Variants in KIAA1217 observed in about 807,000 individuals in gnomAD.
KIAA1217 encodes KIAA1217, also known as sickle tail protein homolog.
A neutral mutation model predicts 163.9 loss-of-function variants in KIAA1217; 88 were observed. That is an observed-to-expected ratio of 0.54 (90% CI 0.45 to 0.64). KIAA1217 has a LOEUF of 0.64. Among genes scored for constraint, KIAA1217 ranks in the 30% least tolerant of loss-of-function variants. The probability of loss-of-function intolerance (pLI) is 0.00; values close to 1 mark genes in which losing one functional copy is unlikely to be tolerated. For synonymous variants in KIAA1217, 903 were observed against 923.1 expected, an observed-to-expected ratio of 0.98 and a Z score of 0.39; for missense variants, 2,372 against 2,475.0, an observed-to-expected ratio of 0.96 and a Z score of 0.88.
intron 1 of KIAA1217, among the ~76,000 whole-genome samples, chr10:23,922,010 C>T (rs1477520173): frequency 6.6e-6 from 1 of 151,988 alleles, no homozygotes; most frequent in East Asian, 1.9e-4. Flanking sequence ...CCAGAGGTAC[C>T]AGCCATGTGA....
chr10:23,717,735 A>G (rs75978145), intron 1 of KIAA1217, among the ~76,000 whole-genome samples: 3,086 of 152,294 alleles, frequency 0.02, 120 homozygotes, highest in African/African-American at 0.07. Context: ...AATGTATGCT[A>G]GAAATCCTCT....
chr10:23,971,425 G>A (rs1247910114), intron 1 of KIAA1217, among the ~76,000 whole-genome samples: 9 of 152,152 alleles, frequency 5.9e-5, no homozygotes, highest in African/African-American at 2.2e-4. Context: ...TTAGAGAGAT[G>A]GCTAAAAAAT....
At chr10:24,402,367 G>T (rs959374419) in intron 3 of KIAA1217, among the ~76,000 whole-genome samples, 3 of 151,804 alleles carry the variant, frequency 2.0e-5, no homozygotes, top group African/African-American at 7.3e-5. Flanking sequence ...AAATTAGCCG[G>T]GCGTATTGGT....
chr10:23,873,439 C>G (rs116719772), intron 1 of KIAA1217, among the ~76,000 whole-genome samples: 2,402 of 152,064 alleles, frequency 0.016, 67 homozygotes, highest in African/African-American at 0.055. Flanking sequence ...CCAGATGAAG[C>G]ATTACTCTGT....
intron 1 of KIAA1217, among the ~76,000 whole-genome samples, chr10:23,883,414 G>A (rs1294166848): frequency 6.6e-6 from 1 of 151,906 alleles, no homozygotes; most frequent in African/African-American, 2.4e-5. Context: ...TCACACCTCA[G>A]AGTTGGTTGC....
At chr10:24,080,321 T>C (rs2061498627) in intron 2 of KIAA1217, among the ~76,000 whole-genome samples, 1 of 152,194 alleles carries the variant, frequency 6.6e-6, no homozygotes, top group African/African-American at 2.4e-5. Flanking sequence ...ACGGCATTCC[T>C]GGGTCAGTGT....
intron 2 of KIAA1217, among the ~76,000 whole-genome samples, chr10:24,177,491 C>A (rs1054553607): frequency 1.3e-5 from 2 of 149,588 alleles, no homozygotes; most frequent in African/African-American, 2.5e-5. Flanking sequence ...ACGCAAGTAT[C>A]TTTTTCATAT....
chr10:23,849,380 T>C (rs1365610114), intron 1 of KIAA1217, among the ~76,000 whole-genome samples: 1 of 152,074 alleles, frequency 6.6e-6, no homozygotes, highest in Non-Finnish European at 1.5e-5. Flanking sequence ...GAAAAGTTCT[T>C]TGCTTATCCT....
intron 3 of KIAA1217, among the ~76,000 whole-genome samples, chr10:24,429,829 T>A (rs1168426763): frequency 6.6e-6 from 1 of 152,182 alleles, no homozygotes; most frequent in Non-Finnish European, 1.5e-5. Flanking sequence ...CCAGACAGAA[T>A]CTGAATATGA....
At chr10:23,737,150 G>T (rs1838853509) in intron 1 of KIAA1217, among the ~76,000 whole-genome samples, 1 of 152,100 alleles carries the variant, frequency 6.6e-6, no homozygotes. Context: ...TTTATTACCA[G>T]ATTTTATGTA....
At chr10:24,310,809 C>A (rs2042603325) in intron 2 of KIAA1217, among the ~76,000 whole-genome samples, 1 of 152,078 alleles carries the variant, frequency 6.6e-6, no homozygotes, top group South Asian at 2.1e-4. Context: ...CCAGCCTGGG[C>A]AACTTGGTGA....
intron 3 of KIAA1217, among the ~76,000 whole-genome samples, chr10:24,416,142 G>A (rs760478584): frequency 3.9e-5 from 6 of 152,202 alleles, no homozygotes; most frequent in Non-Finnish European, 7.3e-5. Context: ...GTGAACCAGA[G>A]ACTGAACAAA....
In KIAA1217 at chr10:24,253,589, C is replaced by T. The variant is rs530044501; in HGVS notation, c.354+33680C>T. On this transcript the variant is annotated intron_variant, in intron 2 of 20. Transcript: ENST00000376454. ...TTACTAAAATGTTTACTCCTTAGCC[C>T]AGTGTGTAGGCATGTGCCTGTAATC... Among the ~76,000 whole-genome samples, 31 of 152,124 alleles carry T rather than the reference C, an allele frequency of 2.0e-4. No individual in the cohort carries two copies. In the South Asian group the frequency reaches 5.4e-3, roughly 27 times the overall value.
chr10:24,449,415 C>T, intron 5 of KIAA1217: 1 of 970,178 alleles, frequency 1.0e-6, no homozygotes, highest in African/African-American at 1.8e-5. Context: ...ATATGGCTTG[C>T]AGTTTCTGCC....
intron 2 of KIAA1217, among the ~76,000 whole-genome samples, chr10:24,245,674 C>T (rs755004807): frequency 1.3e-5 from 2 of 152,134 alleles, no homozygotes; most frequent in Non-Finnish European, 2.9e-5. Context: ...CTTTATCACT[C>T]AGGCTGGAGT....
Position 24,472,232 on chromosome 10 carries a change from G to A in KIAA1217, c.847-996G>A, listed in dbSNP as rs191206697. Among the ~76,000 whole-genome samples the A allele has an allele frequency of 6.1e-3, 922 of 152,268 alleles. 10 individuals are homozygous for A. The highest frequency in any genetic ancestry group is 0.021 in the African/African-American group (867 of 41,562). On this transcript the variant is annotated intron_variant, in intron 5 of 20. Coordinates refer to ENST00000376454, the MANE Select transcript of KIAA1217 (RefSeq NM_019590.5). The stretch of plus-strand genomic sequence containing the variant: ...GCTCTCTCAGGAGTGGCAGGGGAGG[G>A]AGGATATCTGTGTATCAGTCAACCT...
intron 1 of KIAA1217, among the ~76,000 whole-genome samples, chr10:23,710,752 A>G (rs760528811): frequency 9.9e-5 from 15 of 152,216 alleles, no homozygotes; most frequent in Non-Finnish European, 1.5e-4. Flanking sequence ...CAAAATCTGA[A>G]TTGCAGAATA....
intron 1 of KIAA1217, among the ~76,000 whole-genome samples, chr10:23,731,376 G>T (rs867301007): frequency 8.5e-5 from 13 of 152,278 alleles, no homozygotes; most frequent in South Asian, 6.2e-4. Flanking sequence ...TCTGAAGGTG[G>T]ACTTTTGAGT....
chr10:24,340,037 T>C (rs2046873459), intron 2 of KIAA1217, among the ~76,000 whole-genome samples: 2 of 152,176 alleles, frequency 1.3e-5, no homozygotes, highest in African/African-American at 2.4e-5. Flanking sequence ...TGTGTGGTTC[T>C]GTGGGGAAGG....
Sources: gnomAD v4.1 joint callset for allele counts (sites outside exome capture counted in the v4.1 genomes callset) on GRCh38, gnomAD v4.1.1 for gene constraint, MANE v1.5 for transcripts, NCBI Gene and HGNC (gene_info 2026-07-23, HGNC 2026-07-21) for gene names.